The following MDM2 variants were observed in gnomAD, a reference collection of about 807,000 sequenced individuals.
The protein encoded by MDM2 is MDM2 proto-oncogene.
MDM2 carries 11 observed loss-of-function variants against 64.3 expected under a neutral mutation model. The ratio of observed to expected loss-of-function variants is 0.17; its 90% confidence interval spans 0.11 to 0.28. MDM2 has a LOEUF of 0.28. Ranked by LOEUF, MDM2 falls within the 10% of genes least tolerant of loss-of-function variation. The probability of loss-of-function intolerance (pLI) is 1.00; values close to 1 mark genes in which losing one functional copy is unlikely to be tolerated. For missense variants in MDM2, 388 were observed against 577.1 expected, an observed-to-expected ratio of 0.67 and a Z score of 3.36; for synonymous variants, 194 against 192.9, an observed-to-expected ratio of 1.01 and a Z score of -0.05.
chr12:68,836,828 G>T, intron 10 of MDM2, 79 bp downstream of exon 10: 1 of 819,416 alleles, frequency 1.2e-6, no homozygotes, highest in Non-Finnish European at 2.0e-6. Flanking sequence ...GCTTCTTTCT[G>T]AAATGAACTG....
chr12:68,829,864 G>A (rs1219829082), intron 8 of MDM2, among the ~76,000 whole-genome samples: 1 of 152,074 alleles, frequency 6.6e-6, no homozygotes, highest in Non-Finnish European at 1.5e-5. Flanking sequence ...ATATTAGTGA[G>A]CAGCATTTCT....
In MDM2 at chr12:68,835,060, GA is replaced by G. The variant is rs937178804; in HGVS notation, c.685-761del. On this transcript the variant is annotated intron_variant, in intron 8 of 10. Transcript: ENST00000258149. ...TCTATGACTCGAGACATTTTTCTAAGAAAAAAAACCCATAAGTATTACAAGT... is the reference window on the plus strand; with the variant it reads ...TCTATGACTCGAGACATTTTTCTAAGAAAAAAACCCATAAGTATTACAAGT... 4.0e-5 allele frequency among the ~76,000 whole-genome samples: 6 copies of G among 151,640 alleles called. No homozygotes were observed. In the East Asian group the frequency reaches 9.7e-4, roughly 24 times the overall value.
intron 10 of MDM2, among the ~76,000 whole-genome samples, chr12:68,838,228 A>C (rs916393367): frequency 6.6e-6 from 1 of 152,224 alleles, no homozygotes; most frequent in Non-Finnish European, 1.5e-5. Context: ...GGTTACGGAA[A>C]TACCTCTTAC....
In MDM2 at chr12:68,841,752, A is replaced by T. The variant is rs1191737234; in HGVS notation, c.*1903A>T. On this transcript the variant is annotated 3_prime_UTR_variant, in exon 11 of 11. Transcript: ENST00000258149. ...TTAATTCAGAAATTTGATAAACAGAATTGTTATTTAAAAACTAACTGGAAA... is the reference window on the plus strand; with the variant it reads ...TTAATTCAGAAATTTGATAAACAGATTTGTTATTTAAAAACTAACTGGAAA... 2 of 205,056 alleles carry T rather than the reference A, an allele frequency of 9.8e-6. No individual in the cohort carries two copies. The highest frequency in any genetic ancestry group is 1.5e-4 in the East Asian group (2 of 13,292). 12.7% of individuals were successfully genotyped at this position (205,056 alleles called of 1,614,324 possible).
chr12:68,846,965 C>T (rs1884336457), downstream of MDM2: 1 of 151,536 alleles, frequency 6.6e-6, no homozygotes. Context: ...CTTGAATTAA[C>T]CCCTACTCCA....
At chr12:68,847,124 T>TTATATATAATATACATATATTACATATA (rs1884348409), downstream of MDM2, 3 of 137,990 alleles carry the variant, frequency 2.2e-5, 1 homozygote, top group African/African-American at 8.4e-5. Flanking sequence ...AATATATATA[T>TTATATATAATATACATATATTACATATA]TATATATAAT....
At chr12:68,829,586 T>C (rs1276445619) in intron 8 of MDM2, among the ~76,000 whole-genome samples, 1 of 152,026 alleles carries the variant, frequency 6.6e-6, no homozygotes, top group Non-Finnish European at 1.5e-5. Flanking sequence ...GCCAACAAGA[T>C]GAAACCATGT....
intron 2 of MDM2, among the ~76,000 whole-genome samples, chr12:68,809,763 CTA>C (rs1419913150): frequency 1.4e-4 from 21 of 152,094 alleles, no homozygotes; most frequent in Admixed American, 1.0e-3. Context: ...GAATTTAAAT[CTA>C]TGTTATTGTC....
intron 7 of MDM2, chr12:68,828,159 A>G (rs1487037092): frequency 6.6e-6 from 1 of 152,156 alleles, no homozygotes; most frequent in Admixed American, 6.6e-5. Context: ...TACTGAAGAA[A>G]TTGAAACATT....
intron 8 of MDM2, among the ~76,000 whole-genome samples, chr12:68,831,338 G>T (rs3730620): frequency 0.091 from 13,845 of 152,140 alleles, 2,122 homozygotes; most frequent in African/African-American, 0.32. Context: ...ACGGCTGGAG[G>T]GGGTGGTGTC....
At chr12:68,821,743 CAA>C (rs1265930648) in intron 5 of MDM2, among the ~76,000 whole-genome samples, 3 of 151,948 alleles carry the variant, frequency 2.0e-5, no homozygotes, top group Non-Finnish European at 4.4e-5. Context: ...CAAAACAAAA[CAA>C]AAAAACACCT....
intron 8 of MDM2, among the ~76,000 whole-genome samples, chr12:68,833,686 A>C (rs911726578): frequency 7.9e-5 from 12 of 152,082 alleles, no homozygotes; most frequent in Non-Finnish European, 1.3e-4. Context: ...ATGCAGGAGC[A>C]ACTGTAGACA....
Position 68,839,683 on chromosome 12 carries a change from C to T in MDM2, c.1328C>T (p.Pro443Leu), listed in dbSNP as rs2136179408. The T allele has an allele frequency of 6.2e-7, 1 of 1,613,562 alleles. No homozygotes were observed. Among genetic ancestry groups the T allele is most frequent in the Non-Finnish European group, 8.5e-7 (1 of 1,179,964 alleles). Residue 443 changes from proline to leucine, a missense_variant, in exon 11 of 11, where the codon CCT becomes CTT. Transcript: ENST00000258149. ...AGTTTGCCCCTTAATGCCATTGAAC[C>T]TTGTGTGATTTGTCAAGGTCGACCT... Reference protein sequence around the residue: ...ESSLPLNAIEPCVICQGRPKN... With the variant: ...ESSLPLNAIELCVICQGRPKN...
intron 10 of MDM2, 62 bp downstream of exon 10, chr12:68,836,811 A>ATCC: frequency 2.0e-6 from 2 of 977,908 alleles, no homozygotes; most frequent in Admixed American, 4.0e-5. Context: ...TTAGGAGACT[A>ATCC]TATCTAGCTT....
rs1883892687 is a variant in MDM2, at chr12:68,842,725, T to TTA, written c.*2876_*2877insTA. 1 of 196,250 alleles carries TTA rather than the reference T, an allele frequency of 5.1e-6. No individual in the cohort carries two copies. Among genetic ancestry groups the TTA allele is most frequent in the Admixed American group, 5.6e-5 (1 of 17,718 alleles). 12.2% of individuals were successfully genotyped at this position (196,250 alleles called of 1,614,324 possible). A position where few individuals can be genotyped will look rare whatever the true frequency, so the allele number is the denominator to read the frequency against. On this transcript the variant is annotated 3_prime_UTR_variant, in exon 11 of 11. Transcript: ENST00000258149. Reference sequence around the variant, plus strand: ...AAGTAAAATTTTCTTTGCAGTAAAATATGCCCTTTATTATAGAAGGGAGGA... The same window carrying TTA: ...AAGTAAAATTTTCTTTGCAGTAAAATTAATGCCCTTTATTATAGAAGGGAGGA...
chr12:68,812,738 C>T (rs3730512), intron 2 of MDM2, among the ~76,000 whole-genome samples: 10,120 of 152,118 alleles, frequency 0.067, 1,094 homozygotes, highest in African/African-American at 0.23. Flanking sequence ...CAAGAGCCAC[C>T]TCTCCCAGCC....
chr12:68,830,349 C>T (rs1285616554), intron 8 of MDM2, among the ~76,000 whole-genome samples: 5 of 152,156 alleles, frequency 3.3e-5, no homozygotes, highest in Non-Finnish European at 7.3e-5. Context: ...ATTGTATGAA[C>T]GCATACCTGC....
At chr12:68,850,538 C>G (rs1015743414), downstream of MDM2, 2 of 152,144 alleles carry the variant, frequency 1.3e-5, no homozygotes, top group Non-Finnish European at 2.9e-5. Flanking sequence ...AGCTTGAGCC[C>G]ATCCTCTGTC....
intron 1 of MDM2, 113 bp from the exon 2 acceptor site, chr12:68,809,095 C>A: frequency 6.5e-7 from 1 of 1,533,516 alleles, no homozygotes; most frequent in Non-Finnish European, 8.7e-7. Context: ...AGGTAAGCAC[C>A]GACTTGCTTG....
Sources: allele counts gnomAD v4.1 joint callset (sites outside exome capture counted in the v4.1 genomes callset), GRCh38; gene constraint gnomAD v4.1.1; transcripts MANE v1.5; gene names NCBI Gene and HGNC (gene_info 2026-07-23, HGNC 2026-07-21).